Variants in TTN observed in about 807,000 individuals in gnomAD.
TTN encodes the protein titin.
Under a neutral mutation model 3,223.0 loss-of-function variants are expected in TTN, and 1,525 were observed. That is an observed-to-expected ratio of 0.47 (90% CI 0.45 to 0.49). The LOEUF is 0.49. Ranked by LOEUF, TTN falls within the 20% of genes least tolerant of loss-of-function variation. The pLI, the probability that TTN is intolerant of heterozygous loss-of-function variation, is 0.00. For synonymous variants in TTN, 14,094 were observed against 15,161.0 expected (o/e 0.93, Z 5.17); for missense variants, 40,786 against 43,424.0 (o/e 0.94, Z 5.40).
intron 66 of TTN, 50 bp downstream of exon 66, chr2:178,728,450 C>A (rs1161885401): frequency 1.3e-6 from 2 of 1,582,366 alleles, no homozygotes. Flanking sequence ...TATTTGTTTA[C>A]AAAGGACATA....
rs775306395 is a variant in TTN, at chr2:178,588,590, T to C, written c.63135A>G (p.Gly21045=). 5 of 1,558,166 alleles carry C rather than the reference T, an allele frequency of 3.2e-6. No homozygotes were observed. Among genetic ancestry groups the C allele is most frequent in the Non-Finnish European group, 3.5e-6 (4 of 1,154,104 alleles). ...TTGAAGGCAAGCTTGGTTCTCCAAT[T>C]CCAATTTCATTTTCTGCCTTGACAC... ...QFRVKAENEI[G]IGEPSLPSRP... is the part of the protein sequence containing the mutation. Residue 21045 remains glycine (G), a synonymous_variant, in exon 304 of 363, where the codon GGA becomes GGG. Transcript: ENST00000589042.
rs2154184977 is a variant in TTN at position 178,591,466 on chromosome 2, CT to C, written c.60258del (p.Gly20087ValfsTer4). On this transcript the variant is annotated frameshift_variant, in exon 304 of 363. Coordinates refer to ENST00000589042, the MANE Select transcript of TTN (RefSeq NM_001267550.2). LOFTEE classifies it high-confidence loss of function. ...PSVELDVKLI[E>X]GLVVKAGTTV... ...GTGGTTCCAGCCTTTACCACAAGACCTTCAATTAATTTCACATCTAGCTCCA... is the reference window on the plus strand; with the variant it reads ...GTGGTTCCAGCCTTTACCACAAGACCTCAATTAATTTCACATCTAGCTCCA... 3 of 1,587,690 alleles carry C rather than the reference CT, an allele frequency of 1.9e-6. No individual in the cohort carries two copies. Among genetic ancestry groups the C allele is most frequent in the Non-Finnish European group, 2.6e-6 (3 of 1,170,994 alleles).
At chr2:178,599,501 G>A in intron 289 of TTN, 53 bp downstream of exon 289, 9 of 1,517,718 alleles carry the variant, frequency 5.9e-6, no homozygotes, top group Non-Finnish European at 7.9e-6. Flanking sequence ...AAAGCCAAAT[G>A]TTATTTATGA....
chr2:178,723,394 A>T (rs755582185), intron 74 of TTN, 24 bp downstream of exon 74: 3 of 1,605,284 alleles, frequency 1.9e-6, no homozygotes, highest in Non-Finnish European at 2.6e-6. Context: ...AGAAAACAGA[A>T]AAAGTGAATC....
intron 68 of TTN, 65 bp from the exon 69 acceptor site, chr2:178,727,436 A>G: frequency 2.0e-6 from 3 of 1,511,560 alleles, no homozygotes; most frequent in Non-Finnish European, 2.7e-6. Flanking sequence ...TAAATTAGAT[A>G]GTATACAGGC....
At position 178,632,293 on chromosome 2, in the gene TTN, T is replaced by C. The variant is rs1431389358; in HGVS notation, c.43601A>G (p.Gln14534Arg). The C allele has an allele frequency of 1.2e-6, 2 of 1,609,692 alleles. No individual in the cohort carries two copies. The highest frequency in any genetic ancestry group is 1.7e-6 in the Non-Finnish European group (2 of 1,177,932). Residue 14534 changes from glutamine (Q) to arginine (R), a missense_variant, in exon 236 of 363, where the codon CAG becomes CGG. Physicochemically the swap from Gln to Arg is conservative, Grantham distance 43. Transcript: ENST00000589042. ...GACCGACCTGGTGGTGTGTAGGCGC[T>C]GGTCATTCTTGAACCATTTAACTCG... ...NIRVKWFKND[Q>R]RLHTTRSVSM...
intron 43 of TTN, 45 bp from the exon 44 acceptor site, chr2:178,759,217 G>A (rs1174068911): frequency 1.3e-6 from 2 of 1,596,444 alleles, no homozygotes; most frequent in Admixed American, 1.7e-5. Flanking sequence ...AAAAATGAGT[G>A]GATTTTTACA....
In TTN at chr2:178,569,423, T is replaced by C; in HGVS notation, c.76709A>G (p.Asn25570Ser). 1 of 1,613,346 alleles carries C rather than the reference T, an allele frequency of 6.2e-7. No individual in the cohort carries two copies. The highest frequency in any genetic ancestry group is 8.5e-7 in the Non-Finnish European group (1 of 1,179,554). Residue 25570 changes from asparagine to serine, a missense_variant, in exon 326 of 363, where the codon AAT (asparagine) becomes AGT (serine). Transcript: ENST00000589042. ...TTTTCCACTATCATATCGGTTGACA[T>C]TGTCAAGAACAAGAGAGGTGAAACT... ...TSSFTSLVLD[N>S]VNRYDSGKYT...
At position 178,653,315 on chromosome 2, in the gene TTN, T is replaced by G; in HGVS notation, c.38714A>C (p.Glu12905Ala). Residue 12905 changes from glutamate to alanine, a missense_variant, in exon 198 of 363, where the codon GAG (glutamate) becomes GCG (alanine). By Grantham distance (107) the Glu-to-Ala change is moderately radical. Coordinates refer to ENST00000589042, the MANE Select transcript of TTN (RefSeq NM_001267550.2). ...TTCAAGGACAACTTCTTTGGGAGCC[T>G]CTGGCACTTAAAAGATATTAGTAAA... Reference protein sequence around the residue: ...KPEVPPVTVPEAPKEVVLEKK... With the variant: ...KPEVPPVTVPAAPKEVVLEKK... 4.3e-6 allele frequency: 7 copies of G among 1,612,374 alleles called. No homozygotes were observed. The highest frequency in any genetic ancestry group is 5.9e-6 in the Non-Finnish European group (7 of 1,179,530).
At position 178,564,355 on chromosome 2, in the gene TTN, A is replaced by G. The variant is rs1438778988; in HGVS notation, c.81777T>C (p.Asp27259=). 4 of 1,613,600 alleles carry G rather than the reference A, an allele frequency of 2.5e-6. No individual in the cohort carries two copies. Among genetic ancestry groups the G allele is most frequent in the South Asian group, 1.1e-5 (1 of 91,090 alleles). ...CTCTTGCAGTAATGGCACCACTACT[A>G]TCAGATGGTTCACTAAAGTTTCCAG... ...NAAGNFSEPS[D]SSGAITARDE... The change falls in exon 326 of 363, where the codon GAT becomes GAC. Residue 27259 remains aspartate, a synonymous_variant. Transcript: ENST00000589042.
Position 178,653,139 on chromosome 2 carries a change from G to A in TTN, c.38792-15C>T, listed in dbSNP as rs1213538893. ...AGCCTCTGGCACTTAAAAGATATTA[G>A]GTAAAATTACATTTAGGGGTTATGA... On this transcript the variant is annotated splice_polypyrimidine_tract_variant and intron_variant, in intron 198 of 362. Coordinates refer to ENST00000589042, the MANE Select transcript of TTN (RefSeq NM_001267550.2). The A allele has an allele frequency of 3.7e-6, 6 of 1,608,796 alleles. No individual in the cohort carries two copies. The highest frequency in any genetic ancestry group is 1.1e-5 in the South Asian group (1 of 90,666).
chr2:178,550,112 T>C lies in TTN; in HGVS notation c.91726A>G (p.Thr30576Ala). ...AGGCTGGTGGATCCAAGTACGTCGG[T>C]TATTTCCATATTCATCCTCTTTTCG... ...EIEKRMNMEI[T>A]DVLGSTSLFV... Residue 30576 changes from threonine to alanine, a missense_variant, in exon 337 of 363, where the codon ACC becomes GCC. Thr to Ala is a moderately conservative substitution (Grantham distance 58). Transcript: ENST00000589042. 6.2e-7 allele frequency: 1 copy of C among 1,613,810 alleles called. No homozygotes were observed. The highest frequency in any genetic ancestry group is 1.7e-5 in the Admixed American group (1 of 60,004).
chr2:178,682,742 C>A lies in TTN; in HGVS notation c.33049G>T (p.Glu11017Ter), dbSNP rs753930002. ...EEYDQYEEYE[E>*]REYERYEEHE... ...TCTTCATATCGTTCATACTCCCGCT[C>A]CTCGTATTCTTCATATTGGTCATAT... is the stretch of plus-strand genomic sequence containing the variant. The change falls in exon 135 of 363, where the codon GAG (glutamate) becomes TAG (stop). Residue 11017 changes from glutamate to a stop codon, truncating the protein, a stop_gained. Transcript: ENST00000589042. LOFTEE classifies it high-confidence loss of function. 1.9e-6 allele frequency: 3 copies of A among 1,612,892 alleles called. No individual in the cohort carries two copies.
rs758825292 is a variant in TTN at position 178,688,204 on chromosome 2, T to A, written c.32218A>T (p.Ser10740Cys). 1.2e-6 allele frequency: 2 copies of A among 1,612,668 alleles called. No homozygotes were observed. Among genetic ancestry groups the A allele is most frequent in the African/African-American group, 1.3e-5 (1 of 74,946 alleles). Residue 10740 changes from serine (S) to cysteine (C), a missense_variant, in exon 127 of 363, where the codon AGT becomes TGT. Ser to Cys is a moderately radical substitution (Grantham distance 112). Coordinates refer to ENST00000589042, the MANE Select transcript of TTN (RefSeq NM_001267550.2). Reference sequence around the variant, plus strand: ...ACACCTTCCTCCTCTTCTGAGTAACTCCATTCCTCCTCTGCAGATACTTTA... The same window carrying A: ...ACACCTTCCTCCTCTTCTGAGTAACACCATTCCTCCTCTGCAGATACTTTA... ...RHEVSAEEEW[S>C]YSEEEEGVSI...
In TTN at chr2:178,752,075, T is replaced by C. The variant is rs774589032; in HGVS notation, c.11311+1049A>G. On this transcript the variant is annotated intron_variant, in intron 47 of 362. Transcript: ENST00000589042. ...AAAAAAAAACCTTTACTATTTTCCA[T>C]AGAACTTGAAAAAGTTGAAAGTAAA... 6 of 1,558,568 alleles carry C rather than the reference T, an allele frequency of 3.8e-6. No individual in the cohort carries two copies. The East Asian group carries it at 1.1e-4, about 29-fold the overall frequency.
intron 349 of TTN, chr2:178,541,903 TTA>T (rs1409089886): frequency 1.8e-5 from 4 of 226,650 alleles, no homozygotes; most frequent in Admixed American, 1.6e-4. Flanking sequence ...AATTCTACAT[TTA>T]TTAAGCATGC....
At position 178,620,608 on chromosome 2, in the gene TTN, C is replaced by A; in HGVS notation, c.45913G>T (p.Val15305Phe). Reference protein sequence around the residue: ...LIVEEEDLRIVEPLKDIETME... With the variant: ...LIVEEEDLRIFEPLKDIETME... ...GTTTCAATATCTTTAAGAGGCTCAA[C>A]AATCCTAAGGTCTTCCTCTGTTGTA... Residue 15305 changes from valine to phenylalanine, a missense_variant, in exon 248 of 363, where the codon GTT (valine) becomes TTT (phenylalanine). Val to Phe is a conservative substitution (Grantham distance 50, BLOSUM62 -1). Transcript: ENST00000589042. 1 of 1,609,430 alleles carries A rather than the reference C, an allele frequency of 6.2e-7. No individual in the cohort carries two copies. The highest frequency in any genetic ancestry group is 8.5e-7 in the Non-Finnish European group (1 of 1,178,032).
Position 178,684,133 on chromosome 2 carries a change from AAAAAGGCAGCCAT to A in TTN, c.32723-64_32723-52del. 1.9e-6 allele frequency: 3 copies of A among 1,591,662 alleles called. No homozygotes were observed. In the South Asian group the frequency reaches 3.4e-5, roughly 18 times the overall value. On this transcript the variant is annotated intron_variant, in intron 132 of 362. Coordinates refer to ENST00000589042, the MANE Select transcript of TTN (RefSeq NM_001267550.2). ...GTATTGTTTCCCTCTTTCAAACCAC[AAAAAGGCAGCCAT>A]AAAGTAGTAGCCCAAACATAAACAC...
intron 228 of TTN, 123 bp downstream of exon 228, chr2:178,635,042 G>A (rs2060262007): frequency 4.1e-6 from 6 of 1,451,110 alleles, no homozygotes; most frequent in Non-Finnish European, 3.7e-6. Flanking sequence ...TTCCTTCTTG[G>A]AGACTTTAGA....
Sources: gnomAD v4.1 joint callset for allele counts on GRCh38, gnomAD v4.1.1 for gene constraint, MANE v1.5 for transcripts, NCBI Gene and HGNC (gene_info 2026-07-23, HGNC 2026-07-21) for gene names.